Variants in TNFAIP8 observed in about 807,000 individuals in gnomAD.
TNFAIP8 encodes TNF alpha induced protein 8, also known as tumor necrosis factor alpha-induced protein 8.
A neutral mutation model predicts 13.3 loss-of-function variants in TNFAIP8; 7 were observed. That is an observed-to-expected ratio of 0.52 (90% CI 0.30 to 0.99). The LOEUF (loss-of-function observed/expected upper bound fraction) is 0.99. Ranked by LOEUF, TNFAIP8 falls within the 50% of genes least tolerant of loss-of-function variation. The probability of loss-of-function intolerance (pLI) is 0.07; values close to 1 mark genes in which losing one functional copy is unlikely to be tolerated. For missense variants in TNFAIP8, 258 were observed against 236.9 expected, an observed-to-expected ratio of 1.09 and a Z score of -0.58; for synonymous variants, 94 against 87.6, an observed-to-expected ratio of 1.07 and a Z score of -0.41.
At chr5:119,381,914 T>G (rs528241482) in intron 1 of TNFAIP8, among the ~76,000 whole-genome samples, 1 of 151,762 alleles carries the variant, frequency 6.6e-6, no homozygotes, top group African/African-American at 2.4e-5. Context: ...CCTGCAAGAC[T>G]CCGTCTCAAA....
chr5:119,370,681 C>T (rs901672638), intron 1 of TNFAIP8, among the ~76,000 whole-genome samples: 5 of 152,230 alleles, frequency 3.3e-5, no homozygotes, highest in South Asian at 2.1e-4. Flanking sequence ...CATCAGTCTG[C>T]AGCCAGAGTT....
At chr5:119,392,392 AT>A (rs11348290) in intron 1 of TNFAIP8, among the ~76,000 whole-genome samples, 113,295 of 150,336 alleles carry the variant, frequency 0.75, 43,581 homozygotes, top group African/African-American at 0.94. Context: ...TTGATTTTGT[AT>A]TTTTTTTTTT....
rs1288460833 is a variant in TNFAIP8 at position 119,394,305 on chromosome 5, T to C, written c.*924T>C. The C allele has an allele frequency of 1.3e-5, 2 of 152,226 alleles. No homozygotes were observed. The highest frequency in any genetic ancestry group is 4.8e-5 in the African/African-American group (2 of 41,456). 9.4% of individuals were successfully genotyped at this position (152,226 alleles called of 1,614,324 possible). Reference sequence around the variant, plus strand: ...ATGAGGGGCAAAAGGGGAGAAATACTGCTAAAGAACATGAGCATAAAAATG... The same window carrying C: ...ATGAGGGGCAAAAGGGGAGAAATACCGCTAAAGAACATGAGCATAAAAATG... On this transcript the variant is annotated 3_prime_UTR_variant, in exon 2 of 2. Transcript: ENST00000504771.
At chr5:119,339,019 C>T (rs764124439) in intron 1 of TNFAIP8, among the ~76,000 whole-genome samples, 2 of 151,724 alleles carry the variant, frequency 1.3e-5, no homozygotes, top group African/African-American at 4.9e-5. Context: ...TGCACTTCAG[C>T]CTGGAAATAG....
chr5:119,293,850 G>T (rs1249845598), intron 1 of TNFAIP8, among the ~76,000 whole-genome samples: 1 of 152,076 alleles, frequency 6.6e-6, no homozygotes, highest in Non-Finnish European at 1.5e-5. Context: ...TTGAAAATTT[G>T]AATAATAAAA....
Position 119,393,277 on chromosome 5 carries a change from T to A in TNFAIP8, c.493T>A (p.Cys165Ser). 1 of 1,614,022 alleles carries A rather than the reference T, an allele frequency of 6.2e-7. No individual in the cohort carries two copies. Among genetic ancestry groups the A allele is most frequent in the Non-Finnish European group, 8.5e-7 (1 of 1,179,880 alleles). Residue 165 changes from cysteine to serine, a missense_variant, in exon 2 of 2, where the codon TGT (cysteine) becomes AGT (serine). Transcript: ENST00000504771. ...TAATGTGTTTGATCATTTTTCAGAT[T>A]GTGAATTTTTGGCTGCCTTGTATAA... ...VNNVFDHFSD[C>S]EFLAALYNPF...
chr5:119,305,548 C>G (rs937401545), intron 1 of TNFAIP8, among the ~76,000 whole-genome samples: 1 of 152,074 alleles, frequency 6.6e-6, no homozygotes, highest in Non-Finnish European at 1.5e-5. Flanking sequence ...TGCACTTGAT[C>G]ACACCTTTGA....
At chr5:119,305,066 C>T (rs1749510317) in intron 1 of TNFAIP8, among the ~76,000 whole-genome samples, 1 of 152,142 alleles carries the variant, frequency 6.6e-6, no homozygotes, top group Non-Finnish European at 1.5e-5. Context: ...GCTGGAATAA[C>T]AGAGGAAGAG....
At chr5:119,312,266 T>C (rs1048191744) in intron 1 of TNFAIP8, among the ~76,000 whole-genome samples, 1 of 152,236 alleles carries the variant, frequency 6.6e-6, no homozygotes, top group African/African-American at 2.4e-5. Flanking sequence ...ATTCTGACTC[T>C]GCTCTTTCTG....
At chr5:119,288,661 G>T (rs747790696) in intron 1 of TNFAIP8, among the ~76,000 whole-genome samples, 2 of 152,124 alleles carry the variant, frequency 1.3e-5, no homozygotes, top group Admixed American at 6.5e-5. Flanking sequence ...ATAAATTTCA[G>T]GTCCCTAACA....
intron 1 of TNFAIP8, among the ~76,000 whole-genome samples, chr5:119,322,360 C>A (rs573010194): frequency 4.6e-5 from 7 of 152,358 alleles, no homozygotes; most frequent in Admixed American, 1.3e-4. Flanking sequence ...GTCCCAGGAC[C>A]TTGGCCCCTT....
intron 1 of TNFAIP8, among the ~76,000 whole-genome samples, chr5:119,331,136 C>T (rs961665089): frequency 6.6e-6 from 1 of 151,972 alleles, no homozygotes; most frequent in Admixed American, 6.6e-5. Context: ...GCAATCATCA[C>T]AATGTTGATC....
At chr5:119,300,867 G>A (rs1749368766) in intron 1 of TNFAIP8, among the ~76,000 whole-genome samples, 1 of 152,180 alleles carries the variant, frequency 6.6e-6, no homozygotes, top group African/African-American at 2.4e-5. Context: ...TGTGAGGTAG[G>A]TGAGAAAGAG....
intron 1 of TNFAIP8, chr5:119,333,761 C>T (rs1165103049): frequency 1.3e-6 from 1 of 788,972 alleles, no homozygotes. Flanking sequence ...TTTAGAGCTA[C>T]TGTGTTCAAC....
chr5:119,388,673 G>T (rs750912398), intron 1 of TNFAIP8, among the ~76,000 whole-genome samples: 10 of 151,878 alleles, frequency 6.6e-5, no homozygotes, highest in Middle Eastern at 3.4e-3. Flanking sequence ...GGGCCTTGCT[G>T]TGTCGCCCAG....
At chr5:119,277,777 G>A (rs1207714263) in intron 1 of TNFAIP8, among the ~76,000 whole-genome samples, 1 of 152,158 alleles carries the variant, frequency 6.6e-6, no homozygotes, top group Admixed American at 6.5e-5. Flanking sequence ...TTCAAGATCA[G>A]GGCACCCACA....
At chr5:119,307,903 T>C (rs1002675804) in intron 1 of TNFAIP8, among the ~76,000 whole-genome samples, 104 of 152,350 alleles carry the variant, frequency 6.8e-4, no homozygotes, top group African/African-American at 2.5e-3. Context: ...CCCATGTTTA[T>C]CAGTAGCTAG....
rs546967977 is a variant in TNFAIP8 at position 119,290,854 on chromosome 5, G to T, written c.1+21947G>T. ...GCAGGGCGGACAGCAGCTGGTGTCAGTGTGTTCAAGGGACATTAATGGAGC... is the reference window on the plus strand; with the variant it reads ...GCAGGGCGGACAGCAGCTGGTGTCATTGTGTTCAAGGGACATTAATGGAGC... On this transcript the variant is annotated intron_variant, in intron 1 of 1. Coordinates refer to the TNFAIP8 transcript ENST00000274456. 5.3e-5 allele frequency among the ~76,000 whole-genome samples: 8 copies of T among 152,296 alleles called. No individual in the cohort carries two copies. In the South Asian group the frequency reaches 1.7e-3, roughly 32 times the overall value.
Position 119,394,367 on chromosome 5 carries a change from T to G in TNFAIP8, c.*986T>G, listed in dbSNP as rs1168687170. On this transcript the variant is annotated 3_prime_UTR_variant, in exon 2 of 2. Coordinates refer to ENST00000504771, the MANE Select transcript of TNFAIP8 (RefSeq NM_014350.4). ...GTGTTTAAGAAGGCTTGATAAAGAATGTCACTTTTTTATTTAACTGATAAG... is the reference window on the plus strand; with the variant it reads ...GTGTTTAAGAAGGCTTGATAAAGAAGGTCACTTTTTTATTTAACTGATAAG... The G allele has an allele frequency of 6.6e-6, 1 of 152,192 alleles. No homozygotes were observed. Among genetic ancestry groups the G allele is most frequent in the Non-Finnish European group, 1.5e-5 (1 of 68,042 alleles). The allele number at this position is 152,192 out of a possible 1,614,324, so 9.4% of individuals were successfully genotyped here. A position where few individuals can be genotyped will look rare whatever the true frequency, so the allele number is the denominator to read the frequency against.
Sources: gnomAD v4.1 joint callset for allele counts (sites outside exome capture counted in the v4.1 genomes callset) on GRCh38, gnomAD v4.1.1 for gene constraint, MANE v1.5 for transcripts, NCBI Gene and HGNC (gene_info 2026-07-23, HGNC 2026-07-21) for gene names.